The following CTNND2 variants were observed in gnomAD, a reference collection of about 807,000 sequenced individuals.
CTNND2 encodes the protein catenin delta 2.
A neutral mutation model predicts 144.4 loss-of-function variants in CTNND2; 22 were observed. The ratio of observed to expected loss-of-function variants is 0.15; its 90% CI spans 0.11 to 0.22. The LOEUF is 0.22. Ranked by LOEUF, CTNND2 falls within the 10% of genes least tolerant of loss-of-function variation. The pLI, the probability that CTNND2 is intolerant of heterozygous loss-of-function variation, is 1.00. For missense variants in CTNND2, 1,353 were observed against 1,618.8 expected, an observed-to-expected ratio of 0.84 and a Z score of 2.82; for synonymous variants, 751 against 695.6, an observed-to-expected ratio of 1.08 and a Z score of -1.25.
intron 3 of CTNND2, among the ~76,000 whole-genome samples, chr5:11,484,928 A>C (rs1768654937): frequency 6.6e-6 from 1 of 152,242 alleles, no homozygotes; most frequent in Non-Finnish European, 1.5e-5. Flanking sequence ...AAAAGAGGTG[A>C]AAGTATGAAA....
At chr5:11,147,483 G>C (rs1178136689) in intron 12 of CTNND2, among the ~76,000 whole-genome samples, 1 of 152,108 alleles carries the variant, frequency 6.6e-6, no homozygotes, top group African/African-American at 2.4e-5. Context: ...AGAGCAGAGG[G>C]GCCCCACATG....
At chr5:11,598,374 G>GT in intron 2 of CTNND2, among the ~76,000 whole-genome samples, 1 of 152,208 alleles carries the variant, frequency 6.6e-6, no homozygotes, top group Non-Finnish European at 1.5e-5. Context: ...TCAGAATCAG[G>GT]TAAGTTTCTA....
chr5:11,487,982 C>G (rs1237103213), intron 3 of CTNND2, among the ~76,000 whole-genome samples: 1 of 152,134 alleles, frequency 6.6e-6, no homozygotes, highest in Non-Finnish European at 1.5e-5. Flanking sequence ...GCAGGTATGT[C>G]AAGATGAACA....
intron 12 of CTNND2, among the ~76,000 whole-genome samples, chr5:11,119,510 G>A (rs1753872937): frequency 6.6e-6 from 1 of 152,206 alleles, no homozygotes; most frequent in Admixed American, 6.5e-5. Context: ...CGTGGTGGTG[G>A]CCAGAGAGGA....
intron 10 of CTNND2, among the ~76,000 whole-genome samples, chr5:11,234,107 G>GC (rs1741354808): frequency 6.6e-6 from 1 of 151,980 alleles, no homozygotes; most frequent in South Asian, 2.1e-4. Context: ...AGTGATACAG[G>GC]CAACCTTGAT....
intron 2 of CTNND2, among the ~76,000 whole-genome samples, chr5:11,708,294 A>C (rs374099920): frequency 3.3e-5 from 5 of 152,176 alleles, no homozygotes; most frequent in Non-Finnish European, 5.9e-5. Flanking sequence ...AATTGTATTT[A>C]ATTTTTACTA....
intron 10 of CTNND2, among the ~76,000 whole-genome samples, chr5:11,224,263 T>C (rs1292582369): frequency 1.3e-5 from 2 of 152,108 alleles, no homozygotes; most frequent in Admixed American, 6.5e-5. Context: ...GTGTGCCTCG[T>C]CCATCATCCT....
chr5:11,749,705 T>C lies in CTNND2; in HGVS notation c.38-17433A>G, dbSNP rs993005438. Reference sequence around the variant, plus strand: ...ACATTTAAAAAGCATTTCATAATTATTGCTGAAGTTTAGGTTGATATTTTT... The same window carrying C: ...ACATTTAAAAAGCATTTCATAATTACTGCTGAAGTTTAGGTTGATATTTTT... On this transcript the variant is annotated intron_variant, in intron 1 of 21. Coordinates refer to ENST00000304623, the MANE Select transcript of CTNND2 (RefSeq NM_001332.4). Among the ~76,000 whole-genome samples, 11 of 152,156 alleles carry C rather than the reference T, an allele frequency of 7.2e-5. No homozygotes were observed. The South Asian group carries it at 2.3e-3, about 32-fold the overall frequency.
At chr5:11,240,123 C>A (rs1441170062) in intron 9 of CTNND2, among the ~76,000 whole-genome samples, 1 of 148,546 alleles carries the variant, frequency 6.7e-6, no homozygotes. Context: ...CACACACACA[C>A]CCCCAACACA....
chr5:11,772,269 A>C (rs2126827837), intron 1 of CTNND2, among the ~76,000 whole-genome samples: 1 of 152,008 alleles, frequency 6.6e-6, no homozygotes, highest in Non-Finnish European at 1.5e-5. Context: ...TCTATTTCTA[A>C]AGTCGTATTT....
intron 9 of CTNND2, among the ~76,000 whole-genome samples, chr5:11,276,773 G>C (rs956589818): frequency 1.3e-5 from 2 of 152,170 alleles, no homozygotes; most frequent in African/African-American, 4.8e-5. Context: ...AGAAGAGAAA[G>C]GAGAAAGAGA....
intron 1 of CTNND2, among the ~76,000 whole-genome samples, chr5:11,890,325 G>C (rs1736861168): frequency 6.6e-6 from 1 of 152,140 alleles, no homozygotes; most frequent in South Asian, 2.1e-4. Context: ...TTTATCATGA[G>C]ATAACCTGCC....
chr5:11,876,299 G>T (rs562705017), intron 1 of CTNND2, among the ~76,000 whole-genome samples: 2 of 151,482 alleles, frequency 1.3e-5, no homozygotes, highest in Admixed American at 1.3e-4. Flanking sequence ...GTGGAAAGGG[G>T]AGAGGCGAGA....
chr5:11,432,902 C>T (rs758231535), intron 3 of CTNND2, among the ~76,000 whole-genome samples: 3 of 152,040 alleles, frequency 2.0e-5, no homozygotes, highest in Non-Finnish European at 2.9e-5. Context: ...ATATTTACTC[C>T]ACATTAAGTT....
intron 1 of CTNND2, among the ~76,000 whole-genome samples, chr5:11,756,257 A>G (rs1023467949): frequency 6.6e-6 from 1 of 151,868 alleles, no homozygotes; most frequent in African/African-American, 2.4e-5. Flanking sequence ...TAAATATTAT[A>G]ACTTCTATCT....
intron 3 of CTNND2, among the ~76,000 whole-genome samples, chr5:11,531,454 C>T (rs767028039): frequency 1.2e-4 from 18 of 152,040 alleles, no homozygotes; most frequent in South Asian, 4.1e-4. Flanking sequence ...GGTAAAACCC[C>T]ATCTCTACTA....
intron 10 of CTNND2, among the ~76,000 whole-genome samples, chr5:11,206,665 A>T (rs912497288): frequency 1.3e-5 from 2 of 152,254 alleles, no homozygotes; most frequent in Non-Finnish European, 2.9e-5. Context: ...TTATTTCCAC[A>T]TTTAGATATT....
intron 16 of CTNND2, among the ~76,000 whole-genome samples, chr5:11,030,468 AT>A (rs1743321203): frequency 1.7e-5 from 1 of 59,504 alleles, no homozygotes; most frequent in African/African-American, 1.0e-4. Flanking sequence ...AGTAATTTAA[AT>A]TTTCCTGTCT....
chr5:11,082,721 C>T lies in CTNND2; in HGVS notation c.2763G>A (p.Leu921=), dbSNP rs1345325202. 1 of 1,614,166 alleles carries T rather than the reference C, an allele frequency of 6.2e-7. No homozygotes were observed. Among genetic ancestry groups the T allele is most frequent in the South Asian group, 1.1e-5 (1 of 91,080 alleles). Residue 921 remains leucine (L), a synonymous_variant, in exon 16 of 22, where the codon TTG becomes TTA. Transcript: ENST00000304623. ...AVATALRNMA[L]DVRNKELIGK... ...CGATGAGCTCCTTATTTCTGACGTC[C>T]AAGGCCATGTTCCGCAGCGCAGTGG...
Sources: allele counts gnomAD v4.1 joint callset (sites outside exome capture counted in the v4.1 genomes callset), GRCh38; gene constraint gnomAD v4.1.1; transcripts MANE v1.5; gene names NCBI Gene and HGNC (gene_info 2026-07-23, HGNC 2026-07-21).